CCDC80: variants seen among roughly 807,000 people sequenced by gnomAD.
The protein encoded by CCDC80 is coiled-coil domain-containing protein 80.
Under a neutral mutation model 78.7 loss-of-function variants are expected in CCDC80, and 49 were observed. That is an observed-to-expected ratio of 0.62 (90% CI 0.50 to 0.79). The LOEUF (loss-of-function observed/expected upper bound fraction) is 0.79. Ranked by LOEUF, CCDC80 falls within the 30% of genes least tolerant of loss-of-function variation. The pLI is 0.00. For synonymous variants in CCDC80, 488 were observed against 447.0 expected (o/e 1.09, Z -1.16); for missense variants, 1,205 against 1,198.6 (o/e 1.01, Z -0.08).
intron 3 of CCDC80, among the ~76,000 whole-genome samples, chr3:112,626,509 T>C (rs1435939881): frequency 2.0e-5 from 3 of 152,160 alleles, no homozygotes; most frequent in Non-Finnish European, 4.4e-5. Flanking sequence ...TTTAGACTGA[T>C]TTGTATACTA....
chr3:112,630,307 G>A (rs1051017520), intron 2 of CCDC80, 38 bp from the exon 3 acceptor site: 1 of 1,604,298 alleles, frequency 6.2e-7, no homozygotes, highest in East Asian at 2.2e-5. Context: ...CTCATTTATA[G>A]TGATAGTTTC....
chr3:112,606,815 A>G (rs541746891), intron 7 of CCDC80, among the ~76,000 whole-genome samples: 2 of 152,100 alleles, frequency 1.3e-5, no homozygotes, highest in Non-Finnish European at 2.9e-5. Context: ...ATGAGATATG[A>G]CCTATGTGCC....
At chr3:112,619,175 A>G (rs545551630) in intron 3 of CCDC80, 71 bp from the exon 4 acceptor site, 1 of 1,424,986 alleles carries the variant, frequency 7.0e-7, no homozygotes, top group South Asian at 1.5e-5. Context: ...GAATGGGTGA[A>G]GGCTTTGGGC....
intron 2 of CCDC80, among the ~76,000 whole-genome samples, chr3:112,634,643 C>T (rs1490199559): frequency 1.3e-5 from 2 of 152,208 alleles, no homozygotes; most frequent in Non-Finnish European, 2.9e-5. Flanking sequence ...TCATTTACCA[C>T]TTATCTGGGT....
At chr3:112,626,612 A>C (rs1046351530) in intron 3 of CCDC80, among the ~76,000 whole-genome samples, 1 of 152,094 alleles carries the variant, frequency 6.6e-6, no homozygotes, top group Non-Finnish European at 1.5e-5. Flanking sequence ...TACTGGCATA[A>C]TCTTGGCTCA....
chr3:112,637,980 A>T, intron 2 of CCDC80, 48 bp downstream of exon 2: 2 of 1,548,460 alleles, frequency 1.3e-6, no homozygotes, highest in Admixed American at 2.2e-5. Flanking sequence ...AGACGTTAAC[A>T]TGCCCTGCCT....
At chr3:112,620,286 A>G (rs1431726171) in intron 3 of CCDC80, among the ~76,000 whole-genome samples, 1 of 152,232 alleles carries the variant, frequency 6.6e-6, no homozygotes, top group Non-Finnish European at 1.5e-5. Flanking sequence ...TGAGAGGGGA[A>G]AGAATCAATC....
At chr3:112,616,897 G>A (rs1213312522) in intron 4 of CCDC80, 39 bp from the exon 5 acceptor site, 1 of 1,598,374 alleles carries the variant, frequency 6.3e-7, no homozygotes, top group South Asian at 1.1e-5. Context: ...ATGTACAAGT[G>A]CATTTCTTCT....
chr3:112,620,848 A>G (rs555531827), intron 3 of CCDC80, among the ~76,000 whole-genome samples: 13 of 152,342 alleles, frequency 8.5e-5, no homozygotes, highest in Non-Finnish European at 1.2e-4. Flanking sequence ...AATTCCCAAC[A>G]TACATTCATT....
In CCDC80 at chr3:112,639,572, C is replaced by T. The variant is rs1467297601; in HGVS notation, c.334G>A (p.Gly112Ser). ...TCTCTGATCATCTCACGCGGAGAGC[C>T]CCTGGCTGCTGGTCTTTGCTCAGGT... ...VRPEQRPAAR[G>S]SPREMIRDEG... The change falls in exon 2 of 8, where the codon GGC (glycine) becomes AGC (serine). Residue 112 changes from glycine to serine, a missense_variant. By Grantham distance (56) the Gly-to-Ser change is moderately conservative (BLOSUM62 0). Transcript: ENST00000206423. 1 of 1,614,034 alleles carries T rather than the reference C, an allele frequency of 6.2e-7. No individual in the cohort carries two copies. Among genetic ancestry groups the T allele is most frequent in the Non-Finnish European group, 8.5e-7 (1 of 1,180,058 alleles).
chr3:112,635,780 G>A (rs1576795381), intron 2 of CCDC80, among the ~76,000 whole-genome samples: 1 of 152,324 alleles, frequency 6.6e-6, no homozygotes, highest in East Asian at 1.9e-4. Flanking sequence ...GCTGGTTTCT[G>A]TTTTGCCTCA....
chr3:112,623,042 T>C (rs1453756260), intron 3 of CCDC80, among the ~76,000 whole-genome samples: 1 of 152,080 alleles, frequency 6.6e-6, no homozygotes, highest in Non-Finnish European at 1.5e-5. Context: ...GCTGAAATGC[T>C]TCATAGATTC....
Position 112,638,766 on chromosome 3 carries a change from G to T in CCDC80, c.1140C>A (p.Ala380=). 1 of 1,613,946 alleles carries T rather than the reference G, an allele frequency of 6.2e-7. No homozygotes were observed. The highest frequency in any genetic ancestry group is 8.5e-7 in the Non-Finnish European group (1 of 1,180,024). ...TVAARPMTTT[A]FPTTQRPWTP... ...TCCAGGGCCTCTGCGTGGTGGGAAA[G>T]GCAGTGGTGGTCATAGGTCTTGCAG... The change falls in exon 2 of 8, where the codon GCC becomes GCA. Residue 380 remains alanine (A), a synonymous_variant. Coordinates refer to ENST00000206423, the MANE Select transcript of CCDC80 (RefSeq NM_199511.3).
At chr3:112,607,572 G>A (rs1025807656) in intron 6 of CCDC80, among the ~76,000 whole-genome samples, 3 of 152,118 alleles carry the variant, frequency 2.0e-5, no homozygotes, top group African/African-American at 7.2e-5. Context: ...AGATCACGAG[G>A]TCAGGAGATA....
chr3:112,638,947 A>G lies in CCDC80; in HGVS notation c.959T>C (p.Val320Ala). ...CACCCGACTCTCTCTGGTTGGTGGG[A>G]CTTGTGCTCTCCTTGGGTCCTCTTT... ...KKKEDPRRAQ[V>A]PPTRESRVKV... is the part of the protein sequence containing the mutation. Residue 320 changes from valine to alanine, a missense_variant, in exon 2 of 8, where the codon GTC (valine) becomes GCC (alanine). Val to Ala is a moderately conservative substitution (Grantham distance 64). Coordinates refer to ENST00000206423, the MANE Select transcript of CCDC80 (RefSeq NM_199511.3). 1 of 1,612,826 alleles carries G rather than the reference A, an allele frequency of 6.2e-7. No homozygotes were observed. The highest frequency in any genetic ancestry group is 8.5e-7 in the Non-Finnish European group (1 of 1,179,932).
At chr3:112,635,595 T>C (rs927661967) in intron 2 of CCDC80, among the ~76,000 whole-genome samples, 3 of 152,246 alleles carry the variant, frequency 2.0e-5, no homozygotes, top group African/African-American at 4.8e-5. Context: ...TCTTTTCTAA[T>C]ACATTCTTAC....
chr3:112,610,379 CA>C, intron 5 of CCDC80: 1 of 400,724 alleles, frequency 2.5e-6, no homozygotes, highest in South Asian at 2.4e-5. Context: ...CTCTCAGATG[CA>C]ATGAAGACAG....
chr3:112,619,177 G>T, intron 3 of CCDC80, 73 bp from the exon 4 acceptor site: 2 of 1,407,976 alleles, frequency 1.4e-6, no homozygotes, highest in Non-Finnish European at 1.9e-6. Context: ...ATGGGTGAAG[G>T]CTTTGGGCCT....
chr3:112,638,990 G>C lies in CCDC80; in HGVS notation c.916C>G (p.Leu306Val), dbSNP rs1366614307. The part of the protein sequence containing the change: ...DGGGGAGRPS[L>V]GSEKKKEDPR... ...TCCTCTTTCTTCTTCTCGCTGCCCA[G>C]GCTTGGCCTTCCTGCTCCCCCTCCA... Residue 306 changes from leucine to valine, a missense_variant, in exon 2 of 8, where the codon CTG becomes GTG. Physicochemically the swap from Leu to Val is conservative, Grantham distance 32. Coordinates refer to ENST00000206423, the MANE Select transcript of CCDC80 (RefSeq NM_199511.3). 1 of 1,611,714 alleles carries C rather than the reference G, an allele frequency of 6.2e-7. No individual in the cohort carries two copies. Among genetic ancestry groups the C allele is most frequent in the Non-Finnish European group, 8.5e-7 (1 of 1,179,984 alleles).
Sources: gnomAD v4.1 joint callset for allele counts (sites outside exome capture counted in the v4.1 genomes callset) on GRCh38, gnomAD v4.1.1 for gene constraint, MANE v1.5 for transcripts, NCBI Gene and HGNC (gene_info 2026-07-23, HGNC 2026-07-21) for gene names.